The following NRROS variants were observed in gnomAD, a reference collection of about 807,000 sequenced individuals.
The protein encoded by NRROS is negative regulator of reactive oxygen species, also known as transforming growth factor beta activator LRRC33.
In NRROS, 6 loss-of-function variants were observed where a neutral mutation model predicts 12.0. The ratio of observed to expected loss-of-function variants is 0.50; its 90% CI spans 0.27 to 0.98. The LOEUF is 0.98. Among genes scored for constraint, NRROS ranks in the 50% least tolerant of loss-of-function variants. NRROS has a pLI of 0.11. For missense variants in NRROS, 857 were observed against 888.2 expected (o/e 0.96, Z 0.45); for synonymous variants, 462 against 410.2 (o/e 1.13, Z -1.53).
intron 1 of NRROS, among the ~76,000 whole-genome samples, chr3:196,653,120 C>G (rs986838290): frequency 6.6e-6 from 1 of 152,186 alleles, no homozygotes; most frequent in Non-Finnish European, 1.5e-5. Context: ...ACCTCTGCTT[C>G]TGCCCTCTCT....
In NRROS at chr3:196,661,001, C is replaced by T. The variant is rs2108644106; in HGVS notation, c.1358C>T (p.Pro453Leu). Reference sequence around the variant, plus strand: ...GCTGCCTCGGACCGGGTGGGCCCCCCTAGCTGTGTGGATTTCAGGAATATG... The same window carrying T: ...GCTGCCTCGGACCGGGTGGGCCCCCTTAGCTGTGTGGATTTCAGGAATATG... ...LPAASDRVGP[P>L]SCVDFRNMAS... Residue 453 changes from proline to leucine, a missense_variant, in exon 3 of 3, where the codon CCT becomes CTT. Pro to Leu is a moderately conservative substitution (Grantham distance 98). Transcript: ENST00000328557. The T allele has an allele frequency of 6.2e-7, 1 of 1,614,118 alleles. No individual in the cohort carries two copies. Among genetic ancestry groups the T allele is most frequent in the South Asian group, 1.1e-5 (1 of 91,086 alleles).
chr3:196,641,838 A>G (rs1737215391), intron 1 of NRROS, among the ~76,000 whole-genome samples: 1 of 152,168 alleles, frequency 6.6e-6, no homozygotes, highest in South Asian at 2.1e-4. Flanking sequence ...GCGCAGATCC[A>G]TTTTAGAGCC....
chr3:196,654,469 A>T lies in NRROS; in HGVS notation c.-13-58A>T, dbSNP rs879153540. ...AACTGGCTCCTTCTGCCGATAATAC[A>T]AACAGCCCTCTGGGATGTCCTTCTC... On this transcript the variant is annotated intron_variant, in intron 1 of 2. Coordinates refer to ENST00000328557, the MANE Select transcript of NRROS (RefSeq NM_198565.3). This position sits in a 1 kb window ranked among gnomAD's most constrained non-coding sequence, Gnocchi z 4.4. The T allele has an allele frequency of 2.7e-5, 27 of 1,006,790 alleles. No homozygotes were observed. Among genetic ancestry groups the T allele is most frequent in the Non-Finnish European group, 3.7e-5 (23 of 625,594 alleles). The allele number at this position is 1,006,790 out of a possible 1,614,324, so 62.4% of individuals were successfully genotyped here. A position where few individuals can be genotyped will look rare whatever the true frequency, so the allele number is the denominator to read the frequency against.
chr3:196,658,529 C>T (rs913873309), intron 2 of NRROS, among the ~76,000 whole-genome samples: 2 of 152,210 alleles, frequency 1.3e-5, no homozygotes, highest in African/African-American at 4.8e-5. Context: ...CTTCTTCTAA[C>T]CTCTCTCTCG....
rs563824934 is a variant in NRROS, at chr3:196,655,063, C to T, written c.108+416C>T. On this transcript the variant is annotated intron_variant, in intron 2 of 2. Coordinates refer to ENST00000328557, the MANE Select transcript of NRROS (RefSeq NM_198565.3). ...ACTAGCCTGGGCAACATGATGAAAC[C>T]ACATCTCTACAAAATACAAGAATCA... is the stretch of plus-strand genomic sequence containing the variant. 1.6e-4 allele frequency: 29 copies of T among 176,188 alleles called. No homozygotes were observed. In the South Asian group the frequency reaches 3.4e-3, roughly 20 times the overall value. 10.9% of individuals were successfully genotyped at this position (176,188 alleles called of 1,614,324 possible). A position where few individuals can be genotyped will look rare whatever the true frequency, so the allele number is the denominator to read the frequency against.
At chr3:196,644,236 A>G (rs1326418539) in intron 1 of NRROS, among the ~76,000 whole-genome samples, 1 of 152,040 alleles carries the variant, frequency 6.6e-6, no homozygotes, top group Non-Finnish European at 1.5e-5. Context: ...CCATGGTCCC[A>G]TGATACACTC....
intron 2 of NRROS, among the ~76,000 whole-genome samples, chr3:196,657,767 C>A (rs1308785861): frequency 6.6e-6 from 1 of 151,390 alleles, no homozygotes; most frequent in East Asian, 1.9e-4. Context: ...ATAATGCAAT[C>A]CCAATCAAAA....
chr3:196,651,146 C>G (rs73892916), intron 1 of NRROS, among the ~76,000 whole-genome samples: 1 of 152,276 alleles, frequency 6.6e-6, no homozygotes, highest in Middle Eastern at 3.4e-3. Context: ...TTTGCAGTGC[C>G]ATGGCTCTGA....
chr3:196,644,225 G>C (rs1272040224), intron 1 of NRROS, among the ~76,000 whole-genome samples: 2 of 151,986 alleles, frequency 1.3e-5, no homozygotes, highest in South Asian at 2.1e-4. Flanking sequence ...TCCACAGAAG[G>C]CCATGGTCCC....
intron 1 of NRROS, among the ~76,000 whole-genome samples, chr3:196,649,479 CT>C (rs113457429): frequency 1.2e-4 from 18 of 149,708 alleles, no homozygotes; most frequent in East Asian, 2.0e-4. Context: ...TTGTTTCTCT[CT>C]TTTTTTTTTG....
intron 1 of NRROS, among the ~76,000 whole-genome samples, chr3:196,653,175 G>A (rs1375556848): frequency 6.6e-6 from 1 of 152,128 alleles, no homozygotes; most frequent in Non-Finnish European, 1.5e-5. Flanking sequence ...TGGGTGCAGA[G>A]GCAGAAATGG....
chr3:196,651,635 C>T (rs916047577), intron 1 of NRROS, among the ~76,000 whole-genome samples: 37 of 152,124 alleles, frequency 2.4e-4, no homozygotes, highest in African/African-American at 8.0e-4. Context: ...GGCGTGGTGG[C>T]GTGCACCTGT....
In NRROS at chr3:196,660,496, G is replaced by T. The variant is rs1258584950; in HGVS notation, c.853G>T (p.Gly285Cys). Residue 285 changes from glycine to cysteine, a missense_variant, in exon 3 of 3, where the codon GGC (glycine) becomes TGC (cysteine). By Grantham distance (159) the Gly-to-Cys change is radical. Coordinates refer to ENST00000328557, the MANE Select transcript of NRROS (RefSeq NM_198565.3). The surrounding 1 kb of genome is among the most constrained non-coding windows in gnomAD (Gnocchi z 7.7). The part of the protein sequence containing the change: ...RTLLLRDNNM[G>C]FYRDLYNTSS... ...CCTCCTGCTGCGCGACAACAACATG[G>T]GCTTCTACCGGGACCTGTACAACAC... 6.2e-7 allele frequency: 1 copy of T among 1,614,032 alleles called. No individual in the cohort carries two copies. Among genetic ancestry groups the T allele is most frequent in the Non-Finnish European group, 8.5e-7 (1 of 1,180,026 alleles).
Position 196,661,011 on chromosome 3 carries a change from G to C in NRROS, c.1368G>C (p.Val456=). Residue 456 remains valine (V), a synonymous_variant, in exon 3 of 3, where the codon GTG becomes GTC. Coordinates refer to ENST00000328557, the MANE Select transcript of NRROS (RefSeq NM_198565.3). The stretch of plus-strand genomic sequence containing the variant: ...ACCGGGTGGGCCCCCCTAGCTGTGT[G>C]GATTTCAGGAATATGGCATCTTTAA... The part of the protein sequence containing the change: ...ASDRVGPPSC[V]DFRNMASLRS... 6.2e-7 allele frequency: 1 copy of C among 1,614,166 alleles called. No individual in the cohort carries two copies. The highest frequency in any genetic ancestry group is 8.5e-7 in the Non-Finnish European group (1 of 1,180,012).
rs549257346 is a variant in NRROS, at chr3:196,645,524, C to T, written c.-14+5649C>T. On this transcript the variant is annotated intron_variant, in intron 1 of 2. Transcript: ENST00000328557. Reference sequence around the variant, plus strand: ...TTATATGTAAAGTACCCGGTATAGCCCGTGTTCCAAGGTGAGCACTCAGTA... The same window carrying T: ...TTATATGTAAAGTACCCGGTATAGCTCGTGTTCCAAGGTGAGCACTCAGTA... Among the ~76,000 whole-genome samples, 14 of 152,222 alleles carry T rather than the reference C, an allele frequency of 9.2e-5. No individual in the cohort carries two copies. The South Asian group carries it at 2.9e-3, about 32-fold the overall frequency.
At chr3:196,649,241 A>G (rs1158661853) in intron 1 of NRROS, among the ~76,000 whole-genome samples, 3 of 152,154 alleles carry the variant, frequency 2.0e-5, no homozygotes, top group Non-Finnish European at 4.4e-5. Context: ...TTTGTTCTGT[A>G]TCATCTGTTC....
Position 196,660,483 on chromosome 3 carries a change from C to T in NRROS, c.840C>T (p.Arg280=), listed in dbSNP as rs577977445. 2 of 1,614,104 alleles carry T rather than the reference C, an allele frequency of 1.2e-6. No individual in the cohort carries two copies. Among genetic ancestry groups the T allele is most frequent in the African/African-American group, 1.3e-5 (1 of 75,020 alleles). The part of the protein sequence containing the change: ...QYSKLRTLLL[R]DNNMGFYRDL... ...GCAAGTTGCGGACCCTCCTGCTGCG[C>T]GACAACAACATGGGCTTCTACCGGG... Residue 280 remains arginine, a synonymous_variant, in exon 3 of 3, where the codon CGC becomes CGT. Coordinates refer to ENST00000328557, the MANE Select transcript of NRROS (RefSeq NM_198565.3). This position sits in a 1 kb window ranked among gnomAD's most constrained non-coding sequence, Gnocchi z 7.7.
chr3:196,645,871 C>T (rs921600769), intron 1 of NRROS, among the ~76,000 whole-genome samples: 6 of 152,146 alleles, frequency 3.9e-5, no homozygotes, highest in African/African-American at 7.2e-5. Context: ...GGAGAAGGGA[C>T]GAAAGCTCCT....
intron 2 of NRROS, among the ~76,000 whole-genome samples, chr3:196,656,447 A>T (rs1737538901): frequency 6.6e-6 from 1 of 152,228 alleles, no homozygotes; most frequent in Admixed American, 6.5e-5. Flanking sequence ...TCTAGGTCAT[A>T]GTTTCTCCAT....
Sources: gnomAD v4.1 joint callset for allele counts (sites outside exome capture counted in the v4.1 genomes callset) on GRCh38, gnomAD v4.1.1 for gene constraint, Gnocchi (gnomAD v3.1) non-coding constraint, MANE v1.5 for transcripts, NCBI Gene and HGNC (gene_info 2026-07-23, HGNC 2026-07-21) for gene names.